The following FASTKD1 variants were observed in gnomAD, a reference collection of about 807,000 sequenced individuals.
FASTKD1 encodes the protein FAST kinase domains 1.
Under a neutral mutation model 90.9 loss-of-function variants are expected in FASTKD1, and 94 were observed. The ratio of observed to expected loss-of-function variants is 1.03; its 90% confidence interval spans 0.88 to 1.23. The LOEUF is 1.23. Among genes scored for constraint, FASTKD1 ranks in the 50% most tolerant of loss-of-function variants. The pLI is 0.00. For missense variants in FASTKD1, 945 were observed against 993.5 expected (o/e 0.95, Z 0.66); for synonymous variants, 319 against 345.8 (o/e 0.92, Z 0.86).
At chr2:169,563,146 G>A in intron 4 of FASTKD1, 79 bp downstream of exon 4, 2 of 1,381,152 alleles carry the variant, frequency 1.4e-6, no homozygotes, top group East Asian at 2.4e-5. Context: ...CATAAACTAA[G>A]AGTAGCAAAT....
intron 3 of FASTKD1, among the ~76,000 whole-genome samples, chr2:169,564,302 T>C (rs970171628): frequency 2.0e-5 from 3 of 152,108 alleles, no homozygotes; most frequent in Non-Finnish European, 4.4e-5. Context: ...CTAGGTAATA[T>C]CGAAAATTTA....
At chr2:169,566,538 C>T (rs1559160717) in intron 3 of FASTKD1, among the ~76,000 whole-genome samples, 1 of 152,024 alleles carries the variant, frequency 6.6e-6, no homozygotes, top group Non-Finnish European at 1.5e-5. Context: ...ATGGCGAAAT[C>T]CCATCTCTAC....
chr2:169,562,392 C>G (rs1199351392), intron 4 of FASTKD1, among the ~76,000 whole-genome samples: 1 of 151,792 alleles, frequency 6.6e-6, no homozygotes, highest in Non-Finnish European at 1.5e-5. Context: ...GCCACCATGC[C>G]CAGCTAATTT....
rs947330179 is a variant in FASTKD1 at position 169,563,246 on chromosome 2, A to T, written c.551T>A (p.Leu184Ter). 1 of 1,611,384 alleles carries T rather than the reference A, an allele frequency of 6.2e-7. No homozygotes were observed. Among genetic ancestry groups the T allele is most frequent in the Admixed American group, 1.7e-5 (1 of 59,874 alleles). Reference protein sequence around the residue: ...GKIADIVHRNLETTQDLSSLS... With the variant: ...GKIADIVHRN The stretch of plus-strand genomic sequence containing the variant: ...TTACCTTAAGTCCTGTGTGGTTTCC[A>T]AGTTCCTATGAACAATATCAGCTAT... Residue 184 changes from leucine to a stop codon, truncating the protein, a stop_gained, in exon 4 of 15, where the codon TTG (leucine) becomes TAG (stop). Coordinates refer to ENST00000453153, the MANE Select transcript of FASTKD1 (RefSeq NM_024622.6). LOFTEE classifies it high-confidence loss of function.
intron 8 of FASTKD1, among the ~76,000 whole-genome samples, 155 bp from the exon 9 acceptor site, chr2:169,544,990 AATTT>A (rs1685125135): frequency 6.6e-6 from 1 of 152,178 alleles, no homozygotes; most frequent in African/African-American, 2.4e-5. Flanking sequence ...ATCCTGCTAT[AATTT>A]ATTTAACCCC....
intron 7 of FASTKD1, among the ~76,000 whole-genome samples, chr2:169,551,554 C>T (rs778455320): frequency 1.3e-5 from 2 of 152,002 alleles, no homozygotes; most frequent in Non-Finnish European, 2.9e-5. Flanking sequence ...CCCAGCACTT[C>T]AGGAGGCCAA....
chr2:169,555,344 G>T, intron 6 of FASTKD1, 89 bp from the exon 7 acceptor site: 1 of 1,125,574 alleles, frequency 8.9e-7, no homozygotes, highest in Non-Finnish European at 1.3e-6. Flanking sequence ...TCCGTTCTGT[G>T]CTGGAGAAAC....
intron 8 of FASTKD1, among the ~76,000 whole-genome samples, chr2:169,545,059 A>G (rs1312159980): frequency 2.0e-5 from 3 of 152,218 alleles, no homozygotes; most frequent in African/African-American, 4.8e-5. Flanking sequence ...GAAGTAAATC[A>G]GATAATTTAC....
intron 6 of FASTKD1, among the ~76,000 whole-genome samples, chr2:169,556,487 G>A (rs1369266599): frequency 6.6e-6 from 1 of 150,452 alleles, no homozygotes; most frequent in Non-Finnish European, 1.5e-5. Flanking sequence ...TCAACACTTT[G>A]GGATGCCGAA....
chr2:169,554,936 C>T (rs1399464202), intron 7 of FASTKD1, among the ~76,000 whole-genome samples, 188 bp downstream of exon 7: 4 of 152,114 alleles, frequency 2.6e-5, no homozygotes, highest in Middle Eastern at 3.2e-3. Context: ...GCCTCATTTC[C>T]GTTTCAAAAT....
intron 9 of FASTKD1, among the ~76,000 whole-genome samples, chr2:169,542,358 G>A (rs946414671): frequency 2.0e-5 from 3 of 152,180 alleles, no homozygotes. Flanking sequence ...CAAGTACATA[G>A]TGTGAGTCTG....
At position 169,572,175 on chromosome 2, in the gene FASTKD1, T is replaced by C. The variant is rs537917656; in HGVS notation, c.-142-4A>G. 5.7e-6 allele frequency: 5 copies of C among 880,306 alleles called. No homozygotes were observed. The South Asian group carries it at 7.4e-5, about 13-fold the overall frequency. The allele number at this position is 880,306 out of a possible 1,614,324, so 54.5% of individuals were successfully genotyped here. On this transcript the variant is annotated splice_polypyrimidine_tract_variant and splice_region_variant and intron_variant, in intron 1 of 14. Coordinates refer to ENST00000453153, the MANE Select transcript of FASTKD1 (RefSeq NM_024622.6). ...AACGCATTCCAATGTACAGCTTCTA[T>C]AAAAGAATTGGTTTAACATGGTTAT... is the stretch of plus-strand genomic sequence containing the variant.
rs73971627 is a variant in FASTKD1, at chr2:169,547,062, C to G, written c.1215-358G>C. Among the ~76,000 whole-genome samples the G allele has an allele frequency of 9.4e-3, 1,434 of 152,336 alleles. 30 individuals are homozygous for G. Among genetic ancestry groups the G allele is most frequent in the African/African-American group, 0.032 (1,333 of 41,566 alleles). Reference sequence around the variant, plus strand: ...TTGCAAAAGTAGGCCTCCAGAACTTCTGAGCAACCGGCTTCAAGTTGGGTT... The same window carrying G: ...TTGCAAAAGTAGGCCTCCAGAACTTGTGAGCAACCGGCTTCAAGTTGGGTT... On this transcript the variant is annotated intron_variant, in intron 7 of 14. Transcript: ENST00000453153.
rs1163833697 is a variant in FASTKD1 at position 169,529,940 on chromosome 2, ATGT to A, written c.2443-17_2443-15del. 2 of 1,574,016 alleles carry A rather than the reference ATGT, an allele frequency of 1.3e-6. No individual in the cohort carries two copies. Among genetic ancestry groups the A allele is most frequent in the Non-Finnish European group, 1.7e-6 (2 of 1,149,410 alleles). ...AAACTGGGAAATCTGAAAATAAGTA[ATGT>A]TGTTTGAATGAAAGTTTTAAAGCAA... On this transcript the variant is annotated splice_polypyrimidine_tract_variant and intron_variant, in intron 14 of 14. Coordinates refer to ENST00000453153, the MANE Select transcript of FASTKD1 (RefSeq NM_024622.6).
In FASTKD1 at chr2:169,571,962, G is replaced by A. The variant is rs1159804285; in HGVS notation, c.68C>T (p.Pro23Leu). Residue 23 changes from proline to leucine, a missense_variant, in exon 2 of 15, where the codon CCA becomes CTA. Coordinates refer to ENST00000453153, the MANE Select transcript of FASTKD1 (RefSeq NM_024622.6). ...TNMLRLRAIC[P>L]FSWRVFQFRP... ...AAATTGAAACACTCTCCAGGAGAAT[G>A]GACAAATAGCTCTTAGACGAAGCAT... The A allele has an allele frequency of 1.2e-6, 2 of 1,613,460 alleles. No homozygotes were observed. The highest frequency in any genetic ancestry group is 8.5e-7 in the Non-Finnish European group (1 of 1,179,736).
intron 7 of FASTKD1, among the ~76,000 whole-genome samples, chr2:169,548,057 A>G (rs921094715): frequency 6.6e-6 from 1 of 151,470 alleles, no homozygotes; most frequent in Non-Finnish European, 1.5e-5. Flanking sequence ...CTTTAAGTAT[A>G]GAAATAGTGG....
chr2:169,561,340 T>G (rs1357434975), intron 4 of FASTKD1, among the ~76,000 whole-genome samples: 1 of 150,488 alleles, frequency 6.6e-6, no homozygotes, highest in South Asian at 2.1e-4. Flanking sequence ...AGCAGGAAAC[T>G]ACTATAATTT....
In FASTKD1 at chr2:169,540,083, T is replaced by C. The variant is rs1212942571; in HGVS notation, c.1913A>G (p.Lys638Arg). 6.2e-7 allele frequency: 1 copy of C among 1,605,174 alleles called. No individual in the cohort carries two copies. The highest frequency in any genetic ancestry group is 1.1e-5 in the South Asian group (1 of 88,768). The change falls in exon 10 of 15, where the codon AAA (lysine) becomes AGA (arginine). Residue 638 changes from lysine to arginine, a missense_variant. Lys to Arg is a conservative substitution (Grantham distance 26). Coordinates refer to ENST00000453153, the MANE Select transcript of FASTKD1 (RefSeq NM_024622.6). ...EDLLKAIFNIKFLARLDSQLE... is the reference protein window; with the variant it reads ...EDLLKAIFNIRFLARLDSQLE... ...TTGAGAATCCAATCTAGCTAAGAAT[T>C]TGATGTTAAAAATTGCCTTTAGCAG...
chr2:169,570,675 CTTTT>C (rs371337071), intron 2 of FASTKD1, among the ~76,000 whole-genome samples: 1 of 134,880 alleles, frequency 7.4e-6, no homozygotes, highest in African/African-American at 2.8e-5. Context: ...TTAGGCATTA[CTTTT>C]TTTTTTTTTT....
Sources: allele counts gnomAD v4.1 joint callset (sites outside exome capture counted in the v4.1 genomes callset), GRCh38; gene constraint gnomAD v4.1.1; transcripts MANE v1.5; gene names NCBI Gene and HGNC (gene_info 2026-07-23, HGNC 2026-07-21).